The following DLG2 variants were observed in gnomAD, a reference collection of about 807,000 sequenced individuals.
The protein encoded by DLG2 is disks large homolog 2.
In DLG2, 45 loss-of-function variants were observed where a neutral mutation model predicts 132.5. The ratio of observed to expected loss-of-function variants is 0.34; its 90% CI spans 0.27 to 0.44. DLG2 has a LOEUF of 0.44. DLG2 is among the 20% of genes least tolerant of loss of function. DLG2 has a pLI of 1.00. For synonymous variants in DLG2, 424 were observed against 419.6 expected (o/e 1.01, Z -0.13); for missense variants, 1,045 against 1,196.9 (o/e 0.87, Z 1.87).
chr11:83,515,477 C>G (rs1374728886), intron 21 of DLG2, among the ~76,000 whole-genome samples: 1 of 152,074 alleles, frequency 6.6e-6, no homozygotes, highest in Non-Finnish European at 1.5e-5. Context: ...AAAACAAGCT[C>G]CTGGATTCAT....
chr11:84,033,920 A>G (rs2095788355), intron 11 of DLG2, among the ~76,000 whole-genome samples: 1 of 151,846 alleles, frequency 6.6e-6, no homozygotes, highest in Admixed American at 6.6e-5. Context: ...ACAAACAAAC[A>G]AACAAAAACA....
At chr11:83,605,348 G>A (rs1184436074) in intron 19 of DLG2, among the ~76,000 whole-genome samples, 3 of 152,052 alleles carry the variant, frequency 2.0e-5, no homozygotes, top group Admixed American at 6.6e-5. Context: ...AGCTTTTTAC[G>A]ACCCACTCGG....
At position 84,248,775 on chromosome 11, in the gene DLG2, G is replaced by A. The variant is rs1011349481; in HGVS notation, c.573+2463C>T. On this transcript the variant is annotated intron_variant, in intron 8 of 27. Coordinates refer to ENST00000376104, the MANE Select transcript of DLG2 (RefSeq NM_001142699.3). ...CCAGCTACTCGGGAGGCTGAGGCAA[G>A]AGAGTCACTTGAACCTGGGAGGCAG... is the stretch of plus-strand genomic sequence containing the variant. Among the ~76,000 whole-genome samples, 17 of 152,230 alleles carry A rather than the reference G, an allele frequency of 1.1e-4. 1 individual carries two copies. The East Asian group carries it at 3.3e-3, about 29-fold the overall frequency.
chr11:83,906,603 G>C (rs2075028312), intron 15 of DLG2, among the ~76,000 whole-genome samples: 1 of 152,036 alleles, frequency 6.6e-6, no homozygotes, highest in Admixed American at 6.6e-5. Context: ...TGTATCAAGT[G>C]CTTACTGTGT....
At chr11:85,064,381 C>G (rs2064568285) in intron 6 of DLG2, among the ~76,000 whole-genome samples, 1 of 151,774 alleles carries the variant, frequency 6.6e-6, no homozygotes, top group African/African-American at 2.4e-5. Flanking sequence ...TATTGCACAT[C>G]AGACCTACTC....
At chr11:84,277,860 A>G (rs1460015118) in intron 7 of DLG2, among the ~76,000 whole-genome samples, 1 of 152,110 alleles carries the variant, frequency 6.6e-6, no homozygotes, top group East Asian at 1.9e-4. Context: ...ATCCCTGCCA[A>G]TCCTACAATC....
At position 83,833,803 on chromosome 11, in the gene DLG2, G is replaced by A. The variant is rs749294094; in HGVS notation, c.1566-33C>T. 57 of 1,598,898 alleles carry A rather than the reference G, an allele frequency of 3.6e-5. No individual in the cohort carries two copies. The East Asian group carries it at 1.3e-3, about 35-fold the overall frequency. On this transcript the variant is annotated intron_variant, in intron 16 of 27. Transcript: ENST00000376104. ...AAGAAATAGAGAACACAGCTCAGAG[G>A]GTGATCCATTTAAGATTTACGTTGC...
At chr11:85,459,800 C>A (rs1288905591) in intron 3 of DLG2, among the ~76,000 whole-genome samples, 1 of 152,140 alleles carries the variant, frequency 6.6e-6, no homozygotes, top group African/African-American at 2.4e-5. Context: ...GAACCACCTG[C>A]AACTGAAATG....
At chr11:84,226,534 G>T (rs2096997331) in intron 8 of DLG2, among the ~76,000 whole-genome samples, 1 of 152,052 alleles carries the variant, frequency 6.6e-6, no homozygotes, top group Admixed American at 6.6e-5. Flanking sequence ...GTCAGTGGAG[G>T]ATCAAATAAA....
At chr11:83,998,016 T>G (rs1261569206) in intron 11 of DLG2, among the ~76,000 whole-genome samples, 1 of 151,540 alleles carries the variant, frequency 6.6e-6, no homozygotes, top group Non-Finnish European at 1.5e-5. Context: ...GCACCTCTAA[T>G]CCCAGCTACT....
In DLG2 at chr11:84,402,355, G is replaced by C. The variant is rs74438513; in HGVS notation, c.519+132215C>G. 9.3e-3 allele frequency among the ~76,000 whole-genome samples: 1,411 copies of C among 152,280 alleles called. 18 individuals carry two copies. The highest frequency in any genetic ancestry group is 0.032 in the African/African-American group (1,315 of 41,548). ...AAGTTCAAGGTCATTGAATGGTTAAGATCTGGAGTCAAGATTTGTCTCTAG... is the reference window on the plus strand; with the variant it reads ...AAGTTCAAGGTCATTGAATGGTTAACATCTGGAGTCAAGATTTGTCTCTAG... On this transcript the variant is annotated intron_variant, in intron 7 of 27. Coordinates refer to ENST00000376104, the MANE Select transcript of DLG2 (RefSeq NM_001142699.3).
At chr11:85,497,248 C>T (rs1189627287) in intron 3 of DLG2, among the ~76,000 whole-genome samples, 1 of 151,570 alleles carries the variant, frequency 6.6e-6, no homozygotes, top group Non-Finnish European at 1.5e-5. Flanking sequence ...CCTGATGGAG[C>T]TGAAAACCAC....
chr11:85,493,800 G>T (rs1183225408), intron 3 of DLG2, among the ~76,000 whole-genome samples: 1 of 147,706 alleles, frequency 6.8e-6, no homozygotes, highest in Non-Finnish European at 1.5e-5. Context: ...GGAAGGAAAG[G>T]AGGGAAGGAG....
chr11:85,415,646 C>T (rs900484122), intron 3 of DLG2, among the ~76,000 whole-genome samples: 1 of 152,022 alleles, frequency 6.6e-6, no homozygotes, highest in Non-Finnish European at 1.5e-5. Context: ...TTGCTGGCTG[C>T]TTAAATGTCT....
At chr11:84,305,766 G>A (rs2098210707) in intron 7 of DLG2, among the ~76,000 whole-genome samples, 2 of 152,120 alleles carry the variant, frequency 1.3e-5, no homozygotes, top group South Asian at 4.1e-4. Flanking sequence ...TTATGGGGAA[G>A]TGGAGTTTTG....
intron 6 of DLG2, among the ~76,000 whole-genome samples, chr11:84,623,286 C>G (rs12294169): frequency 6.6e-6 from 1 of 152,122 alleles, no homozygotes; most frequent in East Asian, 1.9e-4. Flanking sequence ...AAGAGGGAAA[C>G]GGCAGACCTT....
chr11:85,560,080 C>G (rs958905218), intron 3 of DLG2, among the ~76,000 whole-genome samples: 36 of 151,782 alleles, frequency 2.4e-4, no homozygotes, highest in African/African-American at 8.7e-4. Context: ...GAAAGATAGA[C>G]AATACCAAAT....
At chr11:85,037,623 C>T (rs1287813337) in intron 6 of DLG2, among the ~76,000 whole-genome samples, 2 of 126,622 alleles carry the variant, frequency 1.6e-5, no homozygotes, top group Non-Finnish European at 3.4e-5. Context: ...TATCTTAAAA[C>T]GTAAACCCTC....
At chr11:84,115,153 C>T (rs1310225943) in intron 9 of DLG2, among the ~76,000 whole-genome samples, 2 of 152,194 alleles carry the variant, frequency 1.3e-5, no homozygotes, top group Non-Finnish European at 2.9e-5. Context: ...TAAAAGATGT[C>T]ATGTGTAAAT....
Sources: allele counts gnomAD v4.1 joint callset (sites outside exome capture counted in the v4.1 genomes callset), GRCh38; gene constraint gnomAD v4.1.1; transcripts MANE v1.5; gene names NCBI Gene and HGNC (gene_info 2026-07-23, HGNC 2026-07-21).